The following RALGAPA1 variants were observed in gnomAD, a reference collection of about 807,000 sequenced individuals.
RALGAPA1 encodes Ral GTPase activating protein catalytic subunit alpha 1, also known as ral GTPase-activating protein subunit alpha-1.
Under a neutral mutation model 269.6 loss-of-function variants are expected in RALGAPA1, and 52 were observed. The ratio of observed to expected loss-of-function variants is 0.19; its 90% CI spans 0.15 to 0.24. The LOEUF is 0.24. Among genes scored for constraint, RALGAPA1 ranks in the 10% least tolerant of loss-of-function variants. The probability of loss-of-function intolerance (pLI) is 1.00; values close to 1 mark genes in which losing one functional copy is unlikely to be tolerated. For missense variants in RALGAPA1, 1,917 were observed against 3,013.9 expected (o/e 0.64, Z 8.52); for synonymous variants, 817 against 1,008.3 (o/e 0.81, Z 3.60).
Position 35,808,740 on chromosome 14 carries a change from G to A in RALGAPA1, c.96C>T (p.Arg32=). 1 of 1,612,680 alleles carries A rather than the reference G, an allele frequency of 6.2e-7. No homozygotes were observed. Among genetic ancestry groups the A allele is most frequent in the East Asian group, 2.2e-5 (1 of 44,844 alleles). Residue 32 remains arginine, a synonymous_variant, in exon 1 of 42, where the codon CGC becomes CGT. Coordinates refer to ENST00000680220, the MANE Select transcript of RALGAPA1 (RefSeq NM_001346249.2). The stretch of plus-strand genomic sequence containing the variant: ...CCCCTCGCTCCTCACCGATGACGAT[G>A]CGCAGGTGCTTGAGGCGAGTCAGTG... ...KDALTRLKHL[R]IVIENAESID... is the part of the protein sequence containing the mutation.
chr14:35,620,602 T>C (rs1398268864), intron 35 of RALGAPA1, among the ~76,000 whole-genome samples: 1 of 152,160 alleles, frequency 6.6e-6, no homozygotes, highest in Non-Finnish European at 1.5e-5. Context: ...TGATCGTATA[T>C]TTAGAAAACC....
intron 39 of RALGAPA1, among the ~76,000 whole-genome samples, chr14:35,560,286 C>G (rs1269376185): frequency 6.6e-6 from 1 of 152,132 alleles, no homozygotes; most frequent in East Asian, 1.9e-4. Flanking sequence ...TGACCTACTT[C>G]TTGATCTTTA....
At chr14:35,786,501 G>A (rs561120464) in intron 1 of RALGAPA1, among the ~76,000 whole-genome samples, 1 of 151,964 alleles carries the variant, frequency 6.6e-6, no homozygotes, top group Non-Finnish European at 1.5e-5. Flanking sequence ...AGCCGGGCGT[G>A]CTGGCAGGCG....
At chr14:35,668,133 G>A (rs1026703542) in intron 26 of RALGAPA1, among the ~76,000 whole-genome samples, 1 of 152,148 alleles carries the variant, frequency 6.6e-6, no homozygotes, top group Non-Finnish European at 1.5e-5. Flanking sequence ...GTGGTTACCA[G>A]AGGCCCGGAA....
chr14:35,603,350 T>A (rs2059406046), intron 36 of RALGAPA1, among the ~76,000 whole-genome samples: 1 of 152,152 alleles, frequency 6.6e-6, no homozygotes, highest in African/African-American at 2.4e-5. Context: ...TTCACATACA[T>A]AAGCTCAATT....
chr14:35,763,954 AT>A (rs1360979913), intron 4 of RALGAPA1, among the ~76,000 whole-genome samples: 1 of 152,166 alleles, frequency 6.6e-6, no homozygotes, highest in African/African-American at 2.4e-5. Context: ...ATGCTCTAAT[AT>A]TTGATAATCT....
At position 35,805,880 on chromosome 14, in the gene RALGAPA1, C is replaced by T. The variant is rs771508954; in HGVS notation, c.106+2850G>A. Reference sequence around the variant, plus strand: ...TTGTATTTTCAGTAGAGTAGAGACCCGGTTTCACTCTGTTGGCCAGGCTGG... The same window carrying T: ...TTGTATTTTCAGTAGAGTAGAGACCTGGTTTCACTCTGTTGGCCAGGCTGG... On this transcript the variant is annotated intron_variant, in intron 1 of 41. Coordinates refer to ENST00000680220, the MANE Select transcript of RALGAPA1 (RefSeq NM_001346249.2). 5.9e-5 allele frequency among the ~76,000 whole-genome samples: 9 copies of T among 151,566 alleles called. No homozygotes were observed. In the East Asian group the frequency reaches 1.2e-3, roughly 20 times the overall value.
At chr14:35,712,506 T>C (rs2068444644) in intron 16 of RALGAPA1, among the ~76,000 whole-genome samples, 2 of 152,148 alleles carry the variant, frequency 1.3e-5, no homozygotes, top group African/African-American at 4.8e-5. Flanking sequence ...TTTTTAAATT[T>C]GTTATATTTA....
At chr14:35,647,856 G>A (rs1449736737) in intron 31 of RALGAPA1, among the ~76,000 whole-genome samples, 3 of 151,982 alleles carry the variant, frequency 2.0e-5, no homozygotes, top group South Asian at 2.1e-4. Flanking sequence ...GCTGAGGCAG[G>A]AGAATTGCTT....
intron 41 of RALGAPA1, among the ~76,000 whole-genome samples, chr14:35,543,702 G>A (rs1174083496): frequency 6.6e-6 from 1 of 152,144 alleles, no homozygotes; most frequent in Non-Finnish European, 1.5e-5. Flanking sequence ...GAGTGCAGTG[G>A]CGCGATTTCA....
intron 37 of RALGAPA1, among the ~76,000 whole-genome samples, chr14:35,588,925 T>C (rs1339667877): frequency 2.6e-5 from 4 of 152,182 alleles, no homozygotes; most frequent in Non-Finnish European, 5.9e-5. Flanking sequence ...TATTCAACCT[T>C]ACAAATGAAG....
Position 35,673,139 on chromosome 14 carries a change from T to TG in RALGAPA1, c.4918-118_4918-117insC, listed in dbSNP as rs1220331764. The TG allele has an allele frequency of 2.5e-5, 28 of 1,105,676 alleles. No homozygotes were observed. The Admixed American group carries it at 1.2e-3, about 47-fold the overall frequency. The allele number at this position is 1,105,676 out of a possible 1,614,324, so 68.5% of individuals were successfully genotyped here. On this transcript the variant is annotated intron_variant, in intron 24 of 41. Transcript: ENST00000680220. ...CTCATTTATTTCCATGTTGGCCCAATTTCTTTAATGAACTAAAATTCAGGA... is the reference window on the plus strand; with the variant it reads ...CTCATTTATTTCCATGTTGGCCCAATGTTCTTTAATGAACTAAAATTCAGGA...
At chr14:35,632,215 C>T (rs2061400489) in intron 33 of RALGAPA1, among the ~76,000 whole-genome samples, 1 of 152,078 alleles carries the variant, frequency 6.6e-6, no homozygotes, top group Non-Finnish European at 1.5e-5. Flanking sequence ...ACATATCTCT[C>T]TTCTACTTAT....
At chr14:35,760,801 C>T (rs771940829) in intron 6 of RALGAPA1, 28 bp downstream of exon 6, 60 of 1,576,968 alleles carry the variant, frequency 3.8e-5, no homozygotes, top group Non-Finnish European at 5.0e-5. Flanking sequence ...CTTAAACCTA[C>T]TGACGGATAA....
intron 13 of RALGAPA1, among the ~76,000 whole-genome samples, chr14:35,726,396 A>C (rs1404677746): frequency 6.6e-6 from 1 of 152,232 alleles, no homozygotes; most frequent in Non-Finnish European, 1.5e-5. Flanking sequence ...AGATTTTCCA[A>C]ATAAATCTTA....
chr14:35,786,870 T>C (rs528461747), intron 1 of RALGAPA1, among the ~76,000 whole-genome samples: 1 of 152,256 alleles, frequency 6.6e-6, no homozygotes, highest in African/African-American at 2.4e-5. Flanking sequence ...ATCAGACGAG[T>C]AATGTGCCAA....
At chr14:35,720,561 A>G (rs921726142) in intron 16 of RALGAPA1, among the ~76,000 whole-genome samples, 7 of 152,236 alleles carry the variant, frequency 4.6e-5, no homozygotes, top group Admixed American at 2.6e-4. Flanking sequence ...TAAACCTTGG[A>G]ATAACTTCAG....
intron 35 of RALGAPA1, among the ~76,000 whole-genome samples, chr14:35,610,557 CA>C (rs1327957246): frequency 3.3e-5 from 5 of 152,166 alleles, no homozygotes; most frequent in African/African-American, 4.8e-5. Context: ...GCTGGGATTA[CA>C]GATGTGAGCC....
At chr14:35,680,182 C>A (rs2065298956) in intron 21 of RALGAPA1, among the ~76,000 whole-genome samples, 1 of 152,106 alleles carries the variant, frequency 6.6e-6, no homozygotes, top group Non-Finnish European at 1.5e-5. Context: ...AAATCGAATT[C>A]ATTTTTAAGA....
Sources: allele counts gnomAD v4.1 joint callset (sites outside exome capture counted in the v4.1 genomes callset), GRCh38; gene constraint gnomAD v4.1.1; transcripts MANE v1.5; gene names NCBI Gene and HGNC (gene_info 2026-07-23, HGNC 2026-07-21).